The following LRRTM4 variants were observed in gnomAD, a reference collection of about 807,000 sequenced individuals.
LRRTM4 encodes the protein leucine rich repeat transmembrane neuronal 4, also known as leucine-rich repeat transmembrane neuronal protein 4.
Under a neutral mutation model 47.6 loss-of-function variants are expected in LRRTM4, and 25 were observed. The observed-to-expected ratio is 0.53, with a 90% CI of 0.38 to 0.73. The LOEUF (loss-of-function observed/expected upper bound fraction) is 0.73, where lower values mean the gene tolerates loss of function less well. Among genes scored for constraint, LRRTM4 ranks in the 30% least tolerant of loss-of-function variants. The probability of loss-of-function intolerance (pLI) is 0.00; values close to 1 mark genes in which losing one functional copy is unlikely to be tolerated. For missense variants in LRRTM4, 638 were observed against 713.4 expected, an observed-to-expected ratio of 0.89 and a Z score of 1.20; for synonymous variants, 311 against 269.5, an observed-to-expected ratio of 1.15 and a Z score of -1.51.
chr2:77,063,018 G>A (rs549186452), intron 3 of LRRTM4, among the ~76,000 whole-genome samples: 25 of 146,958 alleles, frequency 1.7e-4, no homozygotes, highest in African/African-American at 5.1e-4. Context: ...GCAGTGGCAC[G>A]ATCTCGGCTC....
intron 3 of LRRTM4, among the ~76,000 whole-genome samples, chr2:77,103,036 T>C (rs866899397): frequency 6.6e-6 from 1 of 152,174 alleles, no homozygotes. Context: ...AGGGCAAATA[T>C]GACCCCATTT....
chr2:76,914,499 T>G (rs1185928712), intron 3 of LRRTM4, among the ~76,000 whole-genome samples: 1 of 152,110 alleles, frequency 6.6e-6, no homozygotes, highest in African/African-American at 2.4e-5. Context: ...ATTTTGTTTA[T>G]GTAATAAAAT....
intron 3 of LRRTM4, among the ~76,000 whole-genome samples, chr2:77,113,215 C>G (rs1008854226): frequency 6.6e-6 from 1 of 152,048 alleles, no homozygotes; most frequent in African/African-American, 2.4e-5. Context: ...TGCAGACGGG[C>G]CTCCTCTGAC....
At chr2:77,117,859 C>A (rs1438706912) in intron 3 of LRRTM4, among the ~76,000 whole-genome samples, 3 of 151,828 alleles carry the variant, frequency 2.0e-5, no homozygotes, top group Non-Finnish European at 4.4e-5. Flanking sequence ...TTTAAGATTT[C>A]AATAGTTCAT....
intron 3 of LRRTM4, among the ~76,000 whole-genome samples, chr2:77,447,442 A>T (rs990892930): frequency 6.6e-6 from 1 of 152,152 alleles, no homozygotes; most frequent in Admixed American, 6.6e-5. Context: ...TTGGTAGGAA[A>T]CACTGATACC....
At chr2:77,399,246 G>C (rs1209629232) in intron 3 of LRRTM4, among the ~76,000 whole-genome samples, 1 of 149,934 alleles carries the variant, frequency 6.7e-6, no homozygotes, top group East Asian at 2.0e-4. Context: ...TATTTATTAT[G>C]CTTATGTTGT....
At chr2:77,480,814 GTGTGTGTGGAGAGAGAGAGAGAGA>G (rs1336791523) in intron 3 of LRRTM4, among the ~76,000 whole-genome samples, 6 of 130,822 alleles carry the variant, frequency 4.6e-5, no homozygotes, top group African/African-American at 1.7e-4. Flanking sequence ...GTGTGTGTGT[GTGTGTGTGGAGAGAGAGAGAGAGA>G]GAGAGAGAGA....
Position 77,518,795 on chromosome 2 carries a change from A to G in LRRTM4, c.1074T>C (p.Asn358=). Residue 358 remains asparagine (N), a synonymous_variant, in exon 3 of 4, where the codon AAT becomes AAC. Transcript: ENST00000409884. ...EKVSDAVETY[N]ICSEVQVVNT... ...TGACCACCTGGACTTCAGAACAGAT[A>G]TTATATGTTTCCACTGCATCACTAA... is the stretch of plus-strand genomic sequence containing the variant. 1 of 1,612,604 alleles carries G rather than the reference A, an allele frequency of 6.2e-7. No individual in the cohort carries two copies. The highest frequency in any genetic ancestry group is 8.5e-7 in the Non-Finnish European group (1 of 1,179,266).
intron 3 of LRRTM4, among the ~76,000 whole-genome samples, chr2:77,363,349 C>T (rs1001943280): frequency 1.3e-5 from 2 of 152,034 alleles, no homozygotes; most frequent in African/African-American, 4.8e-5. Flanking sequence ...AATAATAAAA[C>T]TGTAGTCAAG....
At chr2:77,283,859 A>G (rs115095881) in intron 3 of LRRTM4, among the ~76,000 whole-genome samples, 320 of 152,106 alleles carry the variant, frequency 2.1e-3, no homozygotes, top group African/African-American at 7.5e-3. Context: ...TTGAAAAACT[A>G]CCTATTGATC....
intron 3 of LRRTM4, among the ~76,000 whole-genome samples, chr2:77,409,428 T>C (rs1674336693): frequency 6.6e-6 from 1 of 152,184 alleles, no homozygotes; most frequent in African/African-American, 2.4e-5. Flanking sequence ...TCATTAAGCC[T>C]CTTTACTATA....
chr2:77,314,112 C>T (rs933106119), intron 3 of LRRTM4, among the ~76,000 whole-genome samples: 4 of 152,128 alleles, frequency 2.6e-5, no homozygotes, highest in African/African-American at 4.8e-5. Context: ...AGCAAACTCA[C>T]GCATATTTTA....
chr2:77,502,334 CAT>C (rs1165380689), intron 3 of LRRTM4, among the ~76,000 whole-genome samples: 2 of 150,706 alleles, frequency 1.3e-5, no homozygotes, highest in Admixed American at 6.6e-5. Context: ...TGAACATAAA[CAT>C]GTAATAAAAT....
chr2:77,403,692 A>T (rs1391005693), intron 3 of LRRTM4, among the ~76,000 whole-genome samples: 1 of 151,728 alleles, frequency 6.6e-6, no homozygotes, highest in African/African-American at 2.4e-5. Context: ...TCCTCCTTTG[A>T]AACCTTGCTC....
At chr2:77,353,013 T>G (rs1354999414) in intron 3 of LRRTM4, among the ~76,000 whole-genome samples, 1 of 152,174 alleles carries the variant, frequency 6.6e-6, no homozygotes, top group Non-Finnish European at 1.5e-5. Flanking sequence ...TTAAGCATTA[T>G]AAAATGCTAA....
chr2:77,053,388 A>G (rs964862066), intron 3 of LRRTM4, among the ~76,000 whole-genome samples: 26 of 152,212 alleles, frequency 1.7e-4, no homozygotes, highest in Non-Finnish European at 1.5e-5. Context: ...AATATGAAGC[A>G]TAGTAGAACA....
At chr2:76,911,207 CT>C in intron 3 of LRRTM4, among the ~76,000 whole-genome samples, 1 of 152,048 alleles carries the variant, frequency 6.6e-6, no homozygotes, top group Non-Finnish European at 1.5e-5. Context: ...AAAAGGAAAC[CT>C]TTGACAAGAA....
chr2:77,479,901 T>C (rs1048142823), intron 3 of LRRTM4, among the ~76,000 whole-genome samples: 1 of 152,184 alleles, frequency 6.6e-6, no homozygotes, highest in African/African-American at 2.4e-5. Context: ...AATAAAGAAA[T>C]AGGAAAAGGT....
intron 3 of LRRTM4, among the ~76,000 whole-genome samples, chr2:77,032,130 C>A (rs754953210): frequency 1.3e-5 from 2 of 152,096 alleles, no homozygotes; most frequent in East Asian, 1.9e-4. Context: ...TCTATCCTTG[C>A]GCTTTCCACC....
Sources: gnomAD v4.1 joint callset for allele counts (sites outside exome capture counted in the v4.1 genomes callset) on GRCh38, gnomAD v4.1.1 for gene constraint, MANE v1.5 for transcripts, NCBI Gene and HGNC (gene_info 2026-07-23, HGNC 2026-07-21) for gene names.